The following CELF2 variants were observed in gnomAD, a reference collection of about 807,000 sequenced individuals.
CELF2 encodes CUG triplet repeat RNA-binding protein 2.
Under a neutral mutation model 62.6 loss-of-function variants are expected in CELF2, and 8 were observed. The observed-to-expected ratio is 0.13, with a 90% CI of 0.07 to 0.23. The LOEUF is 0.23. CELF2 is among the 10% of genes least tolerant of loss of function. The pLI, the probability that CELF2 is intolerant of heterozygous loss-of-function variation, is 1.00. For synonymous variants in CELF2, 258 were observed against 250.0 expected, an observed-to-expected ratio of 1.03 and a Z score of -0.30; for missense variants, 333 against 671.0, an observed-to-expected ratio of 0.50 and a Z score of 5.56.
At chr10:10,697,181 G>A in the CELF2 span, among the ~76,000 whole-genome samples, 3 of 152,080 alleles carry the variant, frequency 2.0e-5, no homozygotes, top group African/African-American at 7.2e-5. Context: ...GGTATGTTGA[G>A]CATAAAGCCT....
chr10:10,544,296 A>G, the CELF2 span, among the ~76,000 whole-genome samples: 1 of 152,182 alleles, frequency 6.6e-6, no homozygotes, highest in Non-Finnish European at 1.5e-5. Context: ...GCAGGGAGCA[A>G]TTGAAGACCA....
At chr10:11,194,214 C>T (rs1057414009) in intron 2 of CELF2, among the ~76,000 whole-genome samples, 54 of 151,984 alleles carry the variant, frequency 3.6e-4, no homozygotes, top group Admixed American at 8.5e-4. Context: ...TACAGGCACA[C>T]GCCACCACAC....
the CELF2 span, among the ~76,000 whole-genome samples, chr10:10,582,846 A>G: frequency 6.6e-6 from 1 of 152,172 alleles, no homozygotes; most frequent in African/African-American, 2.4e-5. Flanking sequence ...AAGTGGTAAA[A>G]TCTCAAATTT....
In CELF2 at chr10:11,069,247, T is replaced by A. The variant is rs893868472; in HGVS notation, c.74+51084T>A. ...ATCTCTGGTTGAACAGAGTTTAGAATTGATCATTTTCTCCCATGATAGCAA... is the reference window on the plus strand; with the variant it reads ...ATCTCTGGTTGAACAGAGTTTAGAAATGATCATTTTCTCCCATGATAGCAA... On this transcript the variant is annotated intron_variant, in intron 1 of 12. Coordinates refer to ENST00000633077, the MANE Select transcript of CELF2 (RefSeq NM_001326342.2). Among the ~76,000 whole-genome samples the A allele has an allele frequency of 1.2e-4, 18 of 152,330 alleles. No homozygotes were observed. The South Asian group carries it at 3.5e-3, about 30-fold the overall frequency.
chr10:10,700,661 T>C, the CELF2 span, among the ~76,000 whole-genome samples: 1 of 152,218 alleles, frequency 6.6e-6, no homozygotes, highest in African/African-American at 2.4e-5. Context: ...ATGTATCTCC[T>C]AGTGACTCCT....
intron 3 of CELF2, among the ~76,000 whole-genome samples, chr10:11,245,763 C>T (rs796386572): frequency 9.8e-5 from 15 of 152,336 alleles, no homozygotes; most frequent in African/African-American, 3.1e-4. Context: ...GGGAAGATTA[C>T]TTTCCCCTAG....
At chr10:11,221,566 G>A (rs75089762) in intron 3 of CELF2, among the ~76,000 whole-genome samples, 2,235 of 152,228 alleles carry the variant, frequency 0.015, 70 homozygotes, top group African/African-American at 0.051. Context: ...CTGGTAATAA[G>A]GCTTTTGGAT....
At position 10,926,402 on chromosome 10, in the gene CELF2, G is replaced by A. The variant is rs73571472; in HGVS notation, c.89+6403G>A. 3.3e-3 allele frequency among the ~76,000 whole-genome samples: 505 copies of A among 152,278 alleles called. 2 individuals carry two copies. The highest frequency in any genetic ancestry group is 0.011 in the African/African-American group (466 of 41,558). ...CTGCTGTCTGCCATGTGAGGACACCGTAAGAAGGCTCACACGGATGTTGGT... is the reference window on the plus strand; with the variant it reads ...CTGCTGTCTGCCATGTGAGGACACCATAAGAAGGCTCACACGGATGTTGGT... On this transcript the variant is annotated intron_variant, in intron 2 of 13. Transcript: ENST00000636488.
chr10:11,196,653 A>C (rs1170791324), intron 2 of CELF2, among the ~76,000 whole-genome samples: 2 of 150,836 alleles, frequency 1.3e-5, no homozygotes, highest in Admixed American at 6.6e-5. Flanking sequence ...TCTCTTTAAA[A>C]AAAACAAAAC....
At chr10:11,061,584 T>C (rs2066734690) in intron 1 of CELF2, among the ~76,000 whole-genome samples, 1 of 152,222 alleles carries the variant, frequency 6.6e-6, no homozygotes, top group African/African-American at 2.4e-5. Context: ...TCTAGAAGTT[T>C]CGTAGCCAAA....
intron 1 of CELF2, among the ~76,000 whole-genome samples, chr10:10,889,016 C>T (rs1392918943): frequency 2.0e-5 from 3 of 152,210 alleles, no homozygotes; most frequent in African/African-American, 7.2e-5. Flanking sequence ...AGAGAAGGGA[C>T]ACCAACCAGC....
intron 1 of CELF2, among the ~76,000 whole-genome samples, chr10:11,118,369 G>C (rs2057019991): frequency 6.6e-6 from 1 of 152,004 alleles, no homozygotes. Context: ...GTCTTTTTGT[G>C]TTGCCCAGGC....
chr10:11,122,264 A>G (rs192490573), intron 1 of CELF2, among the ~76,000 whole-genome samples: 68 of 152,308 alleles, frequency 4.5e-4, no homozygotes, highest in Non-Finnish European at 8.4e-4. Flanking sequence ...CCCCCAAACT[A>G]TACAGAACAG....
chr10:10,750,422 C>T, the CELF2 span, among the ~76,000 whole-genome samples: 1 of 152,106 alleles, frequency 6.6e-6, no homozygotes, highest in Non-Finnish European at 1.5e-5. Context: ...GATTCTGAAC[C>T]AGGGAAGGCA....
At position 11,297,204 on chromosome 10, in the gene CELF2, G is replaced by A. The variant is rs115058139; in HGVS notation, c.976+8652G>A. ...GAGGAAGCTGTCATATAAAATGATC[G>A]GACGTGGCACATGGAGAGCTCAAGT... On this transcript the variant is annotated intron_variant, in intron 9 of 12. Coordinates refer to ENST00000633077, the MANE Select transcript of CELF2 (RefSeq NM_001326342.2). The surrounding 1 kb of genome is among the most constrained non-coding windows in gnomAD (Gnocchi z 4.4). Among the ~76,000 whole-genome samples the A allele has an allele frequency of 2.7e-3, 409 of 152,270 alleles. No homozygotes were observed. The highest frequency in any genetic ancestry group is 9.5e-3 in the African/African-American group (394 of 41,562).
chr10:10,738,111 C>T, the CELF2 span, among the ~76,000 whole-genome samples: 1 of 152,120 alleles, frequency 6.6e-6, no homozygotes. Flanking sequence ...GGTCAAATTC[C>T]CTGCTTTATG....
chr10:10,615,393 C>T, the CELF2 span, among the ~76,000 whole-genome samples: 1 of 152,156 alleles, frequency 6.6e-6, no homozygotes, highest in Non-Finnish European at 1.5e-5. Context: ...CACACTCTGC[C>T]TTCCTGTTCC....
At chr10:10,522,720 C>A in the CELF2 span, among the ~76,000 whole-genome samples, 1 of 152,158 alleles carries the variant, frequency 6.6e-6, no homozygotes, top group South Asian at 2.1e-4. Context: ...CACGCACATG[C>A]CACCATGCCT....
At chr10:10,724,686 C>A in the CELF2 span, among the ~76,000 whole-genome samples, 1 of 147,288 alleles carries the variant, frequency 6.8e-6, no homozygotes, top group Non-Finnish European at 1.5e-5. Context: ...AAGAAAAGTG[C>A]GAGATTATTC....
Sources: gnomAD v4.1 joint callset for allele counts (sites outside exome capture counted in the v4.1 genomes callset) on GRCh38, gnomAD v4.1.1 for gene constraint, Gnocchi (gnomAD v3.1) non-coding constraint, MANE v1.5 for transcripts, NCBI Gene and HGNC (gene_info 2026-07-23, HGNC 2026-07-21) for gene names.